The following CORO1C variants were observed in gnomAD, a reference collection of about 807,000 sequenced individuals.
CORO1C encodes the protein coronin 1C.
A neutral mutation model predicts 51.2 loss-of-function variants in CORO1C; 14 were observed. The ratio of observed to expected loss-of-function variants is 0.27; its 90% CI spans 0.18 to 0.43. The LOEUF is 0.43. Ranked by LOEUF, CORO1C falls within the 20% of genes least tolerant of loss-of-function variation. The probability of loss-of-function intolerance (pLI) is 1.00; values close to 1 mark genes in which losing one functional copy is unlikely to be tolerated. For missense variants in CORO1C, 417 were observed against 607.8 expected (o/e 0.69, Z 3.30); for synonymous variants, 181 against 210.5 (o/e 0.86, Z 1.21).
Position 108,660,223 on chromosome 12 carries a change from G to A in CORO1C, c.449-1304C>T, listed in dbSNP as rs550100619. ...TCCCAGCACCCTGGGAGGCCGAGGC[G>A]GGCAGATCACCTGAGGTCAGGAGTT... is the stretch of plus-strand genomic sequence containing the variant. On this transcript the variant is annotated intron_variant, in intron 4 of 10. Coordinates refer to ENST00000261401, the MANE Select transcript of CORO1C (RefSeq NM_014325.4). Among the ~76,000 whole-genome samples, 19 of 152,238 alleles carry A rather than the reference G, an allele frequency of 1.2e-4. No homozygotes were observed. In the South Asian group the frequency reaches 3.3e-3, roughly 27 times the overall value.
intron 2 of CORO1C, among the ~76,000 whole-genome samples, chr12:108,687,964 G>C (rs1477991310): frequency 2.0e-5 from 3 of 148,192 alleles, no homozygotes; most frequent in Non-Finnish European, 4.5e-5. Context: ...CTGTCACCCA[G>C]GCTGGAGTGC....
At chr12:108,724,152 G>GCAA (rs957464937) in intron 1 of CORO1C, among the ~76,000 whole-genome samples, 72 of 152,060 alleles carry the variant, frequency 4.7e-4, no homozygotes, top group Non-Finnish European at 2.2e-4. Context: ...GTGGGAAAAA[G>GCAA]CAACAACAAC....
At chr12:108,692,463 A>G (rs1444968256) in intron 2 of CORO1C, among the ~76,000 whole-genome samples, 2 of 152,262 alleles carry the variant, frequency 1.3e-5, no homozygotes, top group South Asian at 2.1e-4. Flanking sequence ...CATGCAGCCA[A>G]TGCAAATCCA....
chr12:108,675,740 T>C (rs1162310562), intron 3 of CORO1C, among the ~76,000 whole-genome samples: 2 of 152,180 alleles, frequency 1.3e-5, no homozygotes, highest in Non-Finnish European at 2.9e-5. Context: ...TGACTGGATA[T>C]AGGCACAGAA....
intron 2 of CORO1C, among the ~76,000 whole-genome samples, chr12:108,697,737 C>G (rs1208001625): frequency 6.6e-6 from 1 of 152,178 alleles, no homozygotes; most frequent in Non-Finnish European, 1.5e-5. Flanking sequence ...TACCAGCAAT[C>G]TGCCAGGATG....
Position 108,658,943 on chromosome 12 carries a change from G to T in CORO1C, c.449-24C>A. The T allele has an allele frequency of 6.3e-7, 1 of 1,591,544 alleles. No homozygotes were observed. The highest frequency in any genetic ancestry group is 8.6e-7 in the Non-Finnish European group (1 of 1,161,780). On this transcript the variant is annotated intron_variant, in intron 4 of 10. Coordinates refer to ENST00000261401, the MANE Select transcript of CORO1C (RefSeq NM_014325.4). The surrounding 1 kb of genome is among the most constrained non-coding windows in gnomAD (Gnocchi z 4.9). Reference sequence around the variant, plus strand: ...GCCTAAAACAGGCAAAACCATCAGAGATTAGAAGATTAGAAACACCTATGT... The same window carrying T: ...GCCTAAAACAGGCAAAACCATCAGATATTAGAAGATTAGAAACACCTATGT...
rs372573155 is a variant in CORO1C at position 108,657,443 on chromosome 12, A to G, written c.631-20T>C. 1.0e-4 allele frequency: 162 copies of G among 1,610,120 alleles called. No homozygotes were observed. The African/African-American group carries it at 2.0e-3, about 20-fold the overall frequency. On this transcript the variant is annotated intron_variant, in intron 5 of 10. Coordinates refer to ENST00000261401, the MANE Select transcript of CORO1C (RefSeq NM_014325.4). ...CTTCTCCTGGAGAGCAAAAAGGCAC[A>G]TGCCACACATTAAACTGCAAGAAGA...
rs2136897369 is a variant in CORO1C, at chr12:108,731,304, C to T, written c.-6+125G>A. ...CCCCGCGCGCCCACCCAGCACTGTC[C>T]CCTCCACCTAGCCCTGCCCCTCGCC... On this transcript the variant is annotated intron_variant, in intron 1 of 10. Coordinates refer to ENST00000261401, the MANE Select transcript of CORO1C (RefSeq NM_014325.4). The surrounding 1 kb of genome is among the most constrained non-coding windows in gnomAD (Gnocchi z 5.2). The T allele has an allele frequency of 6.5e-6, 1 of 153,392 alleles. No homozygotes were observed. The highest frequency in any genetic ancestry group is 2.4e-5 in the African/African-American group (1 of 41,532). 9.5% of individuals were successfully genotyped at this position (153,392 alleles called of 1,614,324 possible).
At chr12:108,679,024 T>C (rs1004598087) in intron 2 of CORO1C, among the ~76,000 whole-genome samples, 14 of 142,220 alleles carry the variant, frequency 9.8e-5, no homozygotes, top group African/African-American at 3.8e-4. Context: ...GGCAGGAGTA[T>C]CGCTTGAACC....
chr12:108,673,437 A>C (rs1370452400), intron 3 of CORO1C, among the ~76,000 whole-genome samples: 1 of 152,262 alleles, frequency 6.6e-6, no homozygotes, highest in Non-Finnish European at 1.5e-5. Context: ...CATCTCCATT[A>C]TATAAAAGTA....
At chr12:108,698,291 T>A (rs2136861925) in intron 2 of CORO1C, among the ~76,000 whole-genome samples, 1 of 152,386 alleles carries the variant, frequency 6.6e-6, no homozygotes, top group African/African-American at 2.4e-5. Flanking sequence ...GGAACAAAAC[T>A]GTTTTCTTTG....
At chr12:108,678,880 G>A (rs1478682822) in intron 2 of CORO1C, among the ~76,000 whole-genome samples, 1 of 151,794 alleles carries the variant, frequency 6.6e-6, no homozygotes, top group African/African-American at 2.4e-5. Context: ...CCAGCACTTT[G>A]GGAGGCTGAG....
intron 2 of CORO1C, among the ~76,000 whole-genome samples, chr12:108,700,698 C>G (rs1017102031): frequency 2.0e-5 from 3 of 151,626 alleles, no homozygotes; most frequent in African/African-American, 7.3e-5. Flanking sequence ...ATCCTTATGA[C>G]TTCACAAAAA....
At chr12:108,712,180 G>A (rs758932186) in intron 1 of CORO1C, among the ~76,000 whole-genome samples, 19 of 152,148 alleles carry the variant, frequency 1.2e-4, no homozygotes, top group Non-Finnish European at 2.4e-4. Context: ...GATCCGATGT[G>A]TTATTCAATA....
chr12:108,722,196 AG>A (rs2035489216), intron 1 of CORO1C, among the ~76,000 whole-genome samples: 1 of 152,222 alleles, frequency 6.6e-6, no homozygotes, highest in African/African-American at 2.4e-5. Context: ...CACCTCTAAA[AG>A]GGTTAAAGAA....
intron 1 of CORO1C, among the ~76,000 whole-genome samples, chr12:108,726,335 C>T (rs548524417): frequency 1.3e-4 from 20 of 150,566 alleles, no homozygotes; most frequent in African/African-American, 4.6e-4. Context: ...GGGAGAACGG[C>T]GTGAACCTGG....
chr12:108,718,578 A>G (rs557220117), intron 1 of CORO1C, among the ~76,000 whole-genome samples: 58 of 152,170 alleles, frequency 3.8e-4, no homozygotes, highest in African/African-American at 1.3e-3. Flanking sequence ...AAAGAAAATG[A>G]AAACTAACAC....
At chr12:108,691,913 T>C (rs953780095) in intron 2 of CORO1C, among the ~76,000 whole-genome samples, 2 of 152,064 alleles carry the variant, frequency 1.3e-5, no homozygotes, top group African/African-American at 4.8e-5. Context: ...TCATCAAAAA[T>C]AGCCCCGGGG....
In CORO1C at chr12:108,658,684, C is replaced by T; in HGVS notation, c.630+54G>A. On this transcript the variant is annotated intron_variant, in intron 5 of 10. Coordinates refer to ENST00000261401, the MANE Select transcript of CORO1C (RefSeq NM_014325.4). The surrounding 1 kb of genome is among the most constrained non-coding windows in gnomAD (Gnocchi z 4.9). Reference sequence around the variant, plus strand: ...GCTGCCTGCCTTAAAAAGCAGAAAGCTCACACTCACTCAAGTGCTCCAACT... The same window carrying T: ...GCTGCCTGCCTTAAAAAGCAGAAAGTTCACACTCACTCAAGTGCTCCAACT... The T allele has an allele frequency of 6.3e-7, 1 of 1,575,222 alleles. No homozygotes were observed. The highest frequency in any genetic ancestry group is 1.7e-5 in the Admixed American group (1 of 59,434).
Sources: gnomAD v4.1 joint callset for allele counts (sites outside exome capture counted in the v4.1 genomes callset) on GRCh38, gnomAD v4.1.1 for gene constraint, Gnocchi (gnomAD v3.1) non-coding constraint, MANE v1.5 for transcripts, NCBI Gene and HGNC (gene_info 2026-07-23, HGNC 2026-07-21) for gene names.